WAPL: variants seen among roughly 807,000 people sequenced by gnomAD.
The protein encoded by WAPL is WAPL cohesin release factor, also known as wings apart-like protein homolog.
A neutral mutation model predicts 121.0 loss-of-function variants in WAPL; 5 were observed. That is an observed-to-expected ratio of 0.04 (90% CI 0.02 to 0.09). WAPL has a LOEUF of 0.09. WAPL is among the 10% of genes least tolerant of loss of function. WAPL has a pLI of 1.00. For missense variants in WAPL, 999 were observed against 1,410.8 expected (o/e 0.71, Z 4.68); for synonymous variants, 480 against 481.5 (o/e 1.00, Z 0.04).
chr10:86,501,911 T>C (rs1177672297), intron 2 of WAPL, among the ~76,000 whole-genome samples: 1 of 152,198 alleles, frequency 6.6e-6, no homozygotes, highest in Non-Finnish European at 1.5e-5. Flanking sequence ...AGGCTGGTCT[T>C]GAACTCCTGG....
intron 4 of WAPL, 39 bp downstream of exon 4, chr10:86,497,162 C>A: frequency 6.0e-6 from 9 of 1,505,060 alleles, no homozygotes; most frequent in Non-Finnish European, 7.3e-6. Context: ...CCTCCAATAA[C>A]AAATAAATAA....
chr10:86,489,203 G>C (rs1841987336), intron 4 of WAPL, among the ~76,000 whole-genome samples: 1 of 152,234 alleles, frequency 6.6e-6, no homozygotes, highest in Non-Finnish European at 1.5e-5. Context: ...CTGAAGGAGA[G>C]TAGAGACTTG....
chr10:86,437,261 G>T lies in WAPL; in HGVS notation c.*282C>A. 1 of 314,882 alleles carries T rather than the reference G, an allele frequency of 3.2e-6. No homozygotes were observed. Among genetic ancestry groups the T allele is most frequent in the East Asian group, 6.6e-5 (1 of 15,118 alleles). 19.5% of individuals were successfully genotyped at this position (314,882 alleles called of 1,614,324 possible). A position where few individuals can be genotyped will look rare whatever the true frequency, so the allele number is the denominator to read the frequency against. On this transcript the variant is annotated 3_prime_UTR_variant, in exon 19 of 19. Transcript: ENST00000298767. ...GAATAAAGCAAGAAAACAAGGGGAG[G>T]GTATAAACTCTGCCAAAGTAAATGT... is the stretch of plus-strand genomic sequence containing the variant.
At chr10:86,486,340 A>G (rs1186215009) in intron 4 of WAPL, among the ~76,000 whole-genome samples, 1 of 152,220 alleles carries the variant, frequency 6.6e-6, no homozygotes, top group Non-Finnish European at 1.5e-5. Flanking sequence ...CTTGTCCTTT[A>G]AAGTCTCTTC....
At chr10:86,440,326 T>C (rs547689560) in intron 17 of WAPL, among the ~76,000 whole-genome samples, 228 of 152,148 alleles carry the variant, frequency 1.5e-3, no homozygotes, top group Non-Finnish European at 2.1e-3. Flanking sequence ...CTCGCTCTGT[T>C]GCCCAGGCTG....
intron 17 of WAPL, among the ~76,000 whole-genome samples, chr10:86,440,293 CT>C (rs980493414): frequency 1.2e-3 from 177 of 144,234 alleles, no homozygotes; most frequent in Middle Eastern, 3.5e-3. Flanking sequence ...ATTTTCATTG[CT>C]TTTTTTTTTT....
At chr10:86,476,286 AC>A (rs1841652007) in intron 4 of WAPL, among the ~76,000 whole-genome samples, 1 of 152,092 alleles carries the variant, frequency 6.6e-6, no homozygotes, top group Non-Finnish European at 1.5e-5. Context: ...AATTGCTAGA[AC>A]CCGGGAGTCG....
At chr10:86,518,623 G>A (rs1040388947) in intron 1 of WAPL, among the ~76,000 whole-genome samples, 7 of 152,280 alleles carry the variant, frequency 4.6e-5, no homozygotes, top group South Asian at 4.1e-4. Context: ...CAGAAGAACC[G>A]CTTGAACTCA....
chr10:86,520,465 G>A (rs1431715328), intron 1 of WAPL, among the ~76,000 whole-genome samples: 1 of 152,110 alleles, frequency 6.6e-6, no homozygotes, highest in Non-Finnish European at 1.5e-5. Flanking sequence ...TCCAAGCGAT[G>A]GGTACAGAGA....
intron 4 of WAPL, among the ~76,000 whole-genome samples, chr10:86,480,969 C>T (rs1255748028): frequency 3.9e-5 from 6 of 152,120 alleles, no homozygotes; most frequent in Admixed American, 3.9e-4. Flanking sequence ...GACTGGTAAG[C>T]CAGAGAAAAA....
Position 86,472,196 on chromosome 10 carries a change from A to C in WAPL, c.2030+12T>G. 1.9e-6 allele frequency: 3 copies of C among 1,546,352 alleles called. No individual in the cohort carries two copies. The highest frequency in any genetic ancestry group is 2.6e-6 in the Non-Finnish European group (3 of 1,153,118). On this transcript the variant is annotated intron_variant, in intron 7 of 18. Coordinates refer to ENST00000298767, the MANE Select transcript of WAPL (RefSeq NM_015045.5). The surrounding 1 kb of genome is among the most constrained non-coding windows in gnomAD (Gnocchi z 4.2). ...ATGCACATAATTGTAAAATATAAAA[A>C]TAAGATCTTACCTAAGGCAACGTGT...
intron 9 of WAPL, 91 bp downstream of exon 9, chr10:86,467,188 A>C: frequency 8.6e-7 from 1 of 1,168,174 alleles, no homozygotes; most frequent in South Asian, 1.5e-5. Flanking sequence ...TAGAATTAAA[A>C]TAATTTGCCC....
At chr10:86,451,331 TA>T (rs1840972483) in intron 15 of WAPL, among the ~76,000 whole-genome samples, 1 of 151,916 alleles carries the variant, frequency 6.6e-6, no homozygotes, top group Admixed American at 6.6e-5. Flanking sequence ...ATCAGCAAAA[TA>T]AAGTAAGAAT....
chr10:86,515,262 CAAAAA>C (rs1160321277), intron 2 of WAPL, among the ~76,000 whole-genome samples: 2 of 114,106 alleles, frequency 1.8e-5, no homozygotes, highest in African/African-American at 6.6e-5. Flanking sequence ...GACTTCATCT[CAAAAA>C]AAAAAAAGAA....
In WAPL at chr10:86,443,192, A is replaced by C. The variant is rs1240505539; in HGVS notation, c.3411+83T>G. On this transcript the variant is annotated intron_variant, in intron 17 of 18. Transcript: ENST00000298767. Reference sequence around the variant, plus strand: ...TAAGGGGGAAACACTGAAGAAATAAATAAGTGAAACATGTAAAGGTATGAA... The same window carrying C: ...TAAGGGGGAAACACTGAAGAAATAACTAAGTGAAACATGTAAAGGTATGAA... 4 of 1,083,378 alleles carry C rather than the reference A, an allele frequency of 3.7e-6. No individual in the cohort carries two copies. In the Admixed American group the frequency reaches 8.1e-5, roughly 22 times the overall value. 67.1% of individuals were successfully genotyped at this position (1,083,378 alleles called of 1,614,324 possible).
intron 15 of WAPL, among the ~76,000 whole-genome samples, chr10:86,450,825 C>T (rs1433420522): frequency 6.6e-6 from 1 of 152,022 alleles, no homozygotes; most frequent in East Asian, 1.9e-4. Context: ...AGAAGAAAAG[C>T]CTAGGGATTA....
intron 15 of WAPL, among the ~76,000 whole-genome samples, chr10:86,451,299 T>G (rs533447811): frequency 3.2e-4 from 49 of 151,774 alleles, no homozygotes; most frequent in Admixed American, 1.6e-3. Context: ...GCTTAAGGAG[T>G]GATTATAACA....
chr10:86,478,231 A>C (rs1489542856), intron 4 of WAPL, among the ~76,000 whole-genome samples: 1 of 151,998 alleles, frequency 6.6e-6, no homozygotes, highest in African/African-American at 2.4e-5. Context: ...GGAGTTTGAG[A>C]CAGCCTGTGC....
chr10:86,485,369 A>G (rs1452040603), intron 4 of WAPL, among the ~76,000 whole-genome samples: 2 of 151,996 alleles, frequency 1.3e-5, no homozygotes, highest in African/African-American at 4.8e-5. Flanking sequence ...CCCCGTCTCT[A>G]CTAAAAATAC....
Sources: gnomAD v4.1 joint callset for allele counts (sites outside exome capture counted in the v4.1 genomes callset) on GRCh38, gnomAD v4.1.1 for gene constraint, Gnocchi (gnomAD v3.1) non-coding constraint, MANE v1.5 for transcripts, NCBI Gene and HGNC (gene_info 2026-07-23, HGNC 2026-07-21) for gene names.